The following SLC25A21 variants were observed in gnomAD, a reference collection of about 807,000 sequenced individuals.
SLC25A21 encodes the protein solute carrier family 25 member 21.
Under a neutral mutation model 43.8 loss-of-function variants are expected in SLC25A21, and 47 were observed. The ratio of observed to expected loss-of-function variants is 1.07; its 90% CI spans 0.85 to 1.37. The LOEUF (loss-of-function observed/expected upper bound fraction) is 1.37. Ranked by LOEUF, SLC25A21 falls within the 40% of genes most tolerant of loss-of-function variation. The pLI, the probability that SLC25A21 is intolerant of heterozygous loss-of-function variation, is 0.00. For synonymous variants in SLC25A21, 131 were observed against 121.3 expected, an observed-to-expected ratio of 1.08 and a Z score of -0.52; for missense variants, 352 against 350.2, an observed-to-expected ratio of 1.00 and a Z score of -0.04.
chr14:37,112,772 G>T (rs1037479643), intron 1 of SLC25A21, among the ~76,000 whole-genome samples: 1 of 152,158 alleles, frequency 6.6e-6, no homozygotes, highest in Non-Finnish European at 1.5e-5. Context: ...TTAGATGGGA[G>T]TCATATTTTG....
chr14:36,936,241 T>G (rs1321670074), intron 1 of SLC25A21, among the ~76,000 whole-genome samples: 1 of 152,192 alleles, frequency 6.6e-6, no homozygotes, highest in Non-Finnish European at 1.5e-5. Flanking sequence ...TGTGTGGCAC[T>G]TCCTGACAGT....
At chr14:37,121,443 T>C (rs1963205942) in intron 1 of SLC25A21, among the ~76,000 whole-genome samples, 1 of 152,166 alleles carries the variant, frequency 6.6e-6, no homozygotes, top group Admixed American at 6.5e-5. Context: ...CAAAACAAGT[T>C]AACATGTGGA....
rs1347621035 is a variant in SLC25A21 at position 36,678,021 on chromosome 14, T to C, written c.*2637A>G. 6.5e-6 allele frequency: 1 copy of C among 154,374 alleles called. No homozygotes were observed. 9.6% of individuals were successfully genotyped at this position (154,374 alleles called of 1,614,324 possible). Reference sequence around the variant, plus strand: ...TAGGACATTGGTACAATTCAGCTGTTGGAAAATTAATATATTGAGGGTTTT... The same window carrying C: ...TAGGACATTGGTACAATTCAGCTGTCGGAAAATTAATATATTGAGGGTTTT... On this transcript the variant is annotated 3_prime_UTR_variant, in exon 10 of 10. Coordinates refer to ENST00000331299, the MANE Select transcript of SLC25A21 (RefSeq NM_030631.4).
intron 1 of SLC25A21, among the ~76,000 whole-genome samples, chr14:37,036,372 G>C (rs1961326035): frequency 6.6e-6 from 1 of 152,044 alleles, no homozygotes; most frequent in Non-Finnish European, 1.5e-5. Flanking sequence ...GCTGCAAGCA[G>C]TTTTAAATTT....
At chr14:36,841,861 C>T (rs910617009) in intron 2 of SLC25A21, among the ~76,000 whole-genome samples, 3 of 152,234 alleles carry the variant, frequency 2.0e-5, no homozygotes, top group African/African-American at 7.2e-5. Context: ...CACCTGCAGA[C>T]TACCCTGCTC....
chr14:37,008,612 G>C lies in SLC25A21; in HGVS notation c.71-133608C>G, dbSNP rs1474311324. The stretch of plus-strand genomic sequence containing the variant: ...ACAACTACTCAATCCACCTGTTAGA[G>C]AAGCACCCCATAATTTTAACCACCT... On this transcript the variant is annotated intron_variant, in intron 1 of 9. Coordinates refer to ENST00000331299, the MANE Select transcript of SLC25A21 (RefSeq NM_030631.4). Among the ~76,000 whole-genome samples, 6 of 152,268 alleles carry C rather than the reference G, an allele frequency of 3.9e-5. No homozygotes were observed. In the South Asian group the frequency reaches 6.2e-4, roughly 16 times the overall value.
intron 1 of SLC25A21, among the ~76,000 whole-genome samples, chr14:37,031,616 GTAACCATATCGAAAGC>G (rs1273877624): frequency 6.6e-6 from 1 of 152,096 alleles, no homozygotes; most frequent in African/African-American, 2.4e-5. Context: ...ATGAATACTG[GTAACCATATCGAAAGC>G]TAGGGCCTTT....
At chr14:37,137,063 C>T (rs960777354) in intron 1 of SLC25A21, among the ~76,000 whole-genome samples, 11 of 152,168 alleles carry the variant, frequency 7.2e-5, no homozygotes, top group Admixed American at 2.6e-4. Context: ...TGCAGTGGCG[C>T]AATCTCGGCT....
At chr14:37,133,167 AC>A (rs1963419975) in intron 1 of SLC25A21, among the ~76,000 whole-genome samples, 1 of 151,782 alleles carries the variant, frequency 6.6e-6, no homozygotes, top group African/African-American at 2.4e-5. Flanking sequence ...ACACACACAC[AC>A]ACACTCATGC....
At chr14:36,953,348 G>A (rs952771309) in intron 1 of SLC25A21, among the ~76,000 whole-genome samples, 3 of 151,966 alleles carry the variant, frequency 2.0e-5, no homozygotes, top group Non-Finnish European at 4.4e-5. Flanking sequence ...CATAAAGATG[G>A]CATAAACAGA....
chr14:36,735,813 T>G (rs1233338365), intron 3 of SLC25A21, among the ~76,000 whole-genome samples: 1 of 11,136 alleles, frequency 9.0e-5, no homozygotes, highest in Non-Finnish European at 1.3e-4. Flanking sequence ...CCCAGAATCC[T>G]TTTTTTTTTT....
intron 2 of SLC25A21, among the ~76,000 whole-genome samples, chr14:36,824,879 A>G (rs1206299977): frequency 6.7e-6 from 1 of 150,218 alleles, no homozygotes; most frequent in Non-Finnish European, 1.5e-5. Flanking sequence ...AGCTGTGTCC[A>G]TTTAATTTGA....
At chr14:37,036,994 T>C (rs913841448) in intron 1 of SLC25A21, among the ~76,000 whole-genome samples, 1 of 152,174 alleles carries the variant, frequency 6.6e-6, no homozygotes, top group African/African-American at 2.4e-5. Flanking sequence ...AAAGAAGATT[T>C]AGGAAATATT....
intron 7 of SLC25A21, among the ~76,000 whole-genome samples, chr14:36,708,439 T>A (rs1733857613): frequency 6.6e-6 from 1 of 152,156 alleles, no homozygotes; most frequent in Admixed American, 6.5e-5. Flanking sequence ...GGCAGACACA[T>A]GTCAACATTT....
At chr14:37,092,377 T>C (rs1267468271) in intron 1 of SLC25A21, among the ~76,000 whole-genome samples, 2 of 152,172 alleles carry the variant, frequency 1.3e-5, no homozygotes, top group Non-Finnish European at 2.9e-5. Flanking sequence ...ATTGAAGCAC[T>C]TGGATTACTG....
rs374653153 is a variant in SLC25A21 at position 37,051,546 on chromosome 14, T to C, written c.70+120735A>G. On this transcript the variant is annotated intron_variant, in intron 1 of 9. Coordinates refer to ENST00000331299, the MANE Select transcript of SLC25A21 (RefSeq NM_030631.4). ...TCAATCAGAATATGTAAGAAACAGA[T>C]GGCACAGGCAACTTGGGCAATTGGA... is the stretch of plus-strand genomic sequence containing the variant. Among the ~76,000 whole-genome samples, 10 of 152,304 alleles carry C rather than the reference T, an allele frequency of 6.6e-5. No homozygotes were observed. In the East Asian group the frequency reaches 1.3e-3, roughly 21 times the overall value.
chr14:36,810,955 A>G (rs184155130), intron 3 of SLC25A21, among the ~76,000 whole-genome samples: 17 of 146,170 alleles, frequency 1.2e-4, no homozygotes, highest in Admixed American at 2.0e-4. Context: ...TGATAGAGAA[A>G]AGAGGGTCAG....
intron 3 of SLC25A21, among the ~76,000 whole-genome samples, chr14:36,794,697 A>G (rs892528849): frequency 1.3e-5 from 2 of 151,638 alleles, no homozygotes; most frequent in African/African-American, 4.8e-5. Flanking sequence ...TGAATCTGGG[A>G]GGCAGAGGTT....
chr14:37,081,608 C>G (rs1276581873), intron 1 of SLC25A21, among the ~76,000 whole-genome samples: 2 of 152,136 alleles, frequency 1.3e-5, no homozygotes, highest in Non-Finnish European at 2.9e-5. Flanking sequence ...CATTATTAAG[C>G]CCAAAACCAT....
Sources: gnomAD v4.1 joint callset for allele counts (sites outside exome capture counted in the v4.1 genomes callset) on GRCh38, gnomAD v4.1.1 for gene constraint, MANE v1.5 for transcripts, NCBI Gene and HGNC (gene_info 2026-07-23, HGNC 2026-07-21) for gene names.